PGM2L1: variants seen among roughly 807,000 people sequenced by gnomAD.
PGM2L1 encodes phosphoglucomutase 2 like 1.
PGM2L1 carries 35 observed loss-of-function variants against 73.4 expected under a neutral mutation model. That is an observed-to-expected ratio of 0.48 (90% CI 0.36 to 0.63). The LOEUF (loss-of-function observed/expected upper bound fraction) is 0.63, where lower values mean the gene tolerates loss of function less well. Among genes scored for constraint, PGM2L1 ranks in the 30% least tolerant of loss-of-function variants. The pLI, the probability that PGM2L1 is intolerant of heterozygous loss-of-function variation, is 0.00. For synonymous variants in PGM2L1, 225 were observed against 253.8 expected, an observed-to-expected ratio of 0.89 and a Z score of 1.08; for missense variants, 570 against 742.0, an observed-to-expected ratio of 0.77 and a Z score of 2.69.
At chr11:74,379,322 G>A (rs1391606595) in intron 1 of PGM2L1, among the ~76,000 whole-genome samples, 1 of 152,040 alleles carries the variant, frequency 6.6e-6, no homozygotes. Flanking sequence ...AGAGAACCAA[G>A]CTATTCATGA....
At chr11:74,391,898 A>G (rs1033745952) in intron 1 of PGM2L1, among the ~76,000 whole-genome samples, 20 of 152,188 alleles carry the variant, frequency 1.3e-4, no homozygotes, top group African/African-American at 4.8e-4. Flanking sequence ...TAGAATGGCC[A>G]GTTGGAAGCC....
chr11:74,342,519 A>G lies in PGM2L1; in HGVS notation c.1574T>C (p.Ile525Thr), dbSNP rs1862198497. The stretch of plus-strand genomic sequence containing the variant: ...AGTGGTAACGTCCCGTACATGCAAT[A>G]TAGCAAATGTTCCACAAAATTTTGG... ...EYPKFCGTFA[I>T]LHVRDVTTGY... Residue 525 changes from isoleucine to threonine, a missense_variant, in exon 12 of 14, where the codon ATA (isoleucine) becomes ACA (threonine). Physicochemically the swap from Ile to Thr is moderately conservative, Grantham distance 89. Coordinates refer to ENST00000298198, the MANE Select transcript of PGM2L1 (RefSeq NM_173582.6). 5 of 1,609,684 alleles carry G rather than the reference A, an allele frequency of 3.1e-6. No individual in the cohort carries two copies. The highest frequency in any genetic ancestry group is 4.2e-6 in the Non-Finnish European group (5 of 1,177,806).
intron 12 of PGM2L1, among the ~76,000 whole-genome samples, chr11:74,340,942 G>A (rs1363489956): frequency 2.0e-5 from 3 of 152,182 alleles, no homozygotes; most frequent in Non-Finnish European, 2.9e-5. Context: ...TAAAAAAAAT[G>A]TATACATGTA....
chr11:74,350,722 C>T (rs928608000), intron 6 of PGM2L1, among the ~76,000 whole-genome samples: 5 of 151,986 alleles, frequency 3.3e-5, no homozygotes, highest in African/African-American at 1.2e-4. Flanking sequence ...ACTAAAAATA[C>T]AAAAATTAGC....
At chr11:74,338,323 TA>T in intron 13 of PGM2L1, 144 bp downstream of exon 13, 1 of 754,920 alleles carries the variant, frequency 1.3e-6, no homozygotes, top group Non-Finnish European at 1.9e-6. Context: ...GAAAATGTTC[TA>T]AAATTGATTA....
At chr11:74,368,079 A>G (rs947166160) in intron 5 of PGM2L1, among the ~76,000 whole-genome samples, 1 of 152,140 alleles carries the variant, frequency 6.6e-6, no homozygotes, top group African/African-American at 2.4e-5. Flanking sequence ...TGACCCATCA[A>G]GTGGAATCCT....
intron 1 of PGM2L1, among the ~76,000 whole-genome samples, chr11:74,375,307 G>A (rs1288900588): frequency 6.6e-6 from 1 of 152,132 alleles, no homozygotes; most frequent in African/African-American, 2.4e-5. Flanking sequence ...TCATTGTCGT[G>A]TACTTTAACT....
intron 1 of PGM2L1, 110 bp downstream of exon 1, chr11:74,397,941 C>G: frequency 4.3e-6 from 6 of 1,381,546 alleles, no homozygotes; most frequent in Non-Finnish European, 5.6e-6. Context: ...GCCCCCCGCT[C>G]GGTGTCCCGA....
chr11:74,341,120 C>T (rs1862175722), intron 12 of PGM2L1, among the ~76,000 whole-genome samples: 1 of 151,972 alleles, frequency 6.6e-6, no homozygotes, highest in South Asian at 2.1e-4. Context: ...CTCTCTCTGC[C>T]CCCACCTCCA....
intron 5 of PGM2L1, among the ~76,000 whole-genome samples, chr11:74,358,424 TA>T (rs1862496498): frequency 6.6e-6 from 1 of 152,148 alleles, no homozygotes; most frequent in Non-Finnish European, 1.5e-5. Flanking sequence ...AGGTACAGAT[TA>T]AAAATAACAT....
intron 5 of PGM2L1, among the ~76,000 whole-genome samples, chr11:74,366,794 T>C (rs1024584813): frequency 2.0e-5 from 3 of 152,118 alleles, no homozygotes; most frequent in South Asian, 2.1e-4. Flanking sequence ...AGGCAGATTA[T>C]GCAGACTTAT....
chr11:74,370,533 C>A (rs1862736288), intron 4 of PGM2L1, among the ~76,000 whole-genome samples: 1 of 152,066 alleles, frequency 6.6e-6, no homozygotes, highest in Non-Finnish European at 1.5e-5. Flanking sequence ...AATGTAAATC[C>A]TATTGTCACT....
intron 1 of PGM2L1, among the ~76,000 whole-genome samples, chr11:74,396,563 C>T (rs1439507440): frequency 1.3e-5 from 2 of 152,124 alleles, no homozygotes; most frequent in African/African-American, 4.8e-5. Context: ...TACAGGCGCC[C>T]GCCACCGCGC....
At chr11:74,350,899 G>GAA (rs1862340538) in intron 6 of PGM2L1, among the ~76,000 whole-genome samples, 1 of 32,034 alleles carries the variant, frequency 3.1e-5, no homozygotes, top group Non-Finnish European at 1.5e-4. Context: ...AAGAAAGAAA[G>GAA]AGAGAGAGAG....
At chr11:74,342,352 T>A (rs898483780) in intron 12 of PGM2L1, 109 bp downstream of exon 12, 2 of 867,048 alleles carry the variant, frequency 2.3e-6, no homozygotes, top group Non-Finnish European at 3.3e-6. Flanking sequence ...CTGGTAAACA[T>A]GAGGAAACTG....
chr11:74,381,484 T>C (rs182192630), intron 1 of PGM2L1, among the ~76,000 whole-genome samples: 2 of 152,194 alleles, frequency 1.3e-5, no homozygotes, highest in African/African-American at 4.8e-5. Flanking sequence ...CCCTGGGCTG[T>C]AACGTGAGCA....
intron 13 of PGM2L1, among the ~76,000 whole-genome samples, chr11:74,338,201 GC>G (rs942489592): frequency 1.3e-5 from 2 of 152,164 alleles, no homozygotes; most frequent in African/African-American, 4.8e-5. Context: ...TATATGAAAT[GC>G]CCAGAAAAGA....
rs1862536270 is a variant in PGM2L1 at position 74,360,268 on chromosome 11, AAAGAG to A, written c.555+8219_555+8223del. Among the ~76,000 whole-genome samples, 4 of 92,594 alleles carry A rather than the reference AAAGAG, an allele frequency of 4.3e-5. No individual in the cohort carries two copies. The South Asian group carries it at 1.5e-3, about 34-fold the overall frequency. 60.7% of individuals were successfully genotyped at this position (92,594 alleles called of 152,430 possible). On this transcript the variant is annotated intron_variant, in intron 5 of 13. Transcript: ENST00000298198. ...AAAATAAAATAAAAGAAAGAAAGAG[AAAGAG>A]AAGGAAGGAAGGGAGGGAGGTAGGG...
intron 11 of PGM2L1, 62 bp from the exon 12 acceptor site, chr11:74,342,712 TAAGG>T (rs1862201968): frequency 1.4e-6 from 2 of 1,414,410 alleles, no homozygotes; most frequent in Admixed American, 4.7e-5. Flanking sequence ...AAGCATATAT[TAAGG>T]AAGATCAGCC....
Sources: gnomAD v4.1 joint callset for allele counts (sites outside exome capture counted in the v4.1 genomes callset) on GRCh38, gnomAD v4.1.1 for gene constraint, MANE v1.5 for transcripts, NCBI Gene and HGNC (gene_info 2026-07-23, HGNC 2026-07-21) for gene names.